HERC2: variants seen among roughly 807,000 people sequenced by gnomAD.
The protein encoded by HERC2 is E3 ubiquitin-protein ligase HERC2.
HERC2 carries 102 observed loss-of-function variants against 537.7 expected under a neutral mutation model. The ratio of observed to expected loss-of-function variants is 0.19; its 90% CI spans 0.16 to 0.22. HERC2 has a LOEUF of 0.22. Ranked by LOEUF, HERC2 falls within the 10% of genes least tolerant of loss-of-function variation. The probability of loss-of-function intolerance (pLI) is 1.00; values close to 1 mark genes in which losing one functional copy is unlikely to be tolerated. For missense variants in HERC2, 4,236 were observed against 6,198.2 expected, an observed-to-expected ratio of 0.68 and a Z score of 10.63; for synonymous variants, 2,224 against 2,466.2, an observed-to-expected ratio of 0.90 and a Z score of 2.91.
At chr15:28,281,002 C>T (rs776901892) in intron 4 of HERC2, among the ~76,000 whole-genome samples, 1 of 152,014 alleles carries the variant, frequency 6.6e-6, no homozygotes, top group African/African-American at 2.4e-5. Flanking sequence ...AAACACTAGC[C>T]ATTATTTTCA....
chr15:28,220,395 C>A, intron 37 of HERC2, 57 bp downstream of exon 37: 1 of 1,496,214 alleles, frequency 6.7e-7, no homozygotes, highest in Non-Finnish European at 9.2e-7. Flanking sequence ...TGGTGGCAGC[C>A]AGCACCTGGA....
At chr15:28,275,715 G>A (rs1394951680) in intron 5 of HERC2, among the ~76,000 whole-genome samples, 3 of 151,756 alleles carry the variant, frequency 2.0e-5, no homozygotes, top group Non-Finnish European at 4.4e-5. Flanking sequence ...CCTGGGGGGT[G>A]CAGCTTGCAG....
At chr15:28,195,926 T>C (rs373422807) in intron 52 of HERC2, among the ~76,000 whole-genome samples, 52 of 152,360 alleles carry the variant, frequency 3.4e-4, no homozygotes, top group East Asian at 3.3e-3. Flanking sequence ...CCACATGCCA[T>C]GCAACTAAAC....
Position 28,186,760 on chromosome 15 carries a change from CA to C in HERC2, c.8650-9del. 1.2e-6 allele frequency: 2 copies of C among 1,606,302 alleles called. No individual in the cohort carries two copies. The highest frequency in any genetic ancestry group is 1.7e-6 in the Non-Finnish European group (2 of 1,173,604). ...TTCAATATACCTGTGATACTAGACA[CA>C]AAAACCATGATCTATAGACTCTGTA... On this transcript the variant is annotated splice_polypyrimidine_tract_variant and intron_variant, in intron 55 of 92. Coordinates refer to ENST00000261609, the MANE Select transcript of HERC2 (RefSeq NM_004667.6).
intron 78 of HERC2, 92 bp from the exon 79 acceptor site, chr15:28,135,784 T>A: frequency 2.3e-6 from 2 of 882,678 alleles, no homozygotes; most frequent in Non-Finnish European, 3.5e-6. Context: ...GCTTTAGACA[T>A]TTTTACCACA....
Position 28,190,973 on chromosome 15 carries a change from A to G in HERC2, c.8641T>C (p.Cys2881Arg). 1.3e-6 allele frequency: 2 copies of G among 1,599,170 alleles called. No individual in the cohort carries two copies. Among genetic ancestry groups the G allele is most frequent in the Non-Finnish European group, 1.7e-6 (2 of 1,166,336 alleles). ...CTAGCATAGCTACTTACCTCTGTGCAGTCATTCAGAAGGGGCACTGTGGTG... is the reference window on the plus strand; with the variant it reads ...CTAGCATAGCTACTTACCTCTGTGCGGTCATTCAGAAGGGGCACTGTGGTG... Reference protein sequence around the residue: ...SDTTVPLLNDCTEYHRYIEIA... With the variant: ...SDTTVPLLNDRTEYHRYIEIA... The change falls in exon 55 of 93, where the codon TGC (cysteine) becomes CGC (arginine). Residue 2881 changes from cysteine to arginine, a missense_variant. Cys to Arg is a radical substitution (Grantham distance 180). Transcript: ENST00000261609.
At chr15:28,274,713 C>T (rs926065479) in intron 6 of HERC2, among the ~76,000 whole-genome samples, 192 bp downstream of exon 6, 1 of 152,188 alleles carries the variant, frequency 6.6e-6, no homozygotes, top group Middle Eastern at 3.4e-3. Flanking sequence ...CATACACTCT[C>T]TTTTTTTTCT....
chr15:28,263,808 G>A (rs1347260902), intron 14 of HERC2, among the ~76,000 whole-genome samples: 5 of 152,024 alleles, frequency 3.3e-5, no homozygotes, highest in African/African-American at 4.8e-5. Context: ...AAGGCGGGCG[G>A]ATCACTTGAG....
chr15:28,179,000 C>A lies in HERC2; in HGVS notation c.9050G>T (p.Gly3017Val). The A allele has an allele frequency of 6.2e-7, 1 of 1,614,222 alleles. No homozygotes were observed. The highest frequency in any genetic ancestry group is 8.5e-7 in the Non-Finnish European group (1 of 1,180,036). Residue 3017 changes from glycine (G) to valine (V), a missense_variant, in exon 59 of 93, where the codon GGA becomes GTA. Transcript: ENST00000261609. ...CCCCAGCCGGCCATTCGTGGCTTCT[C>A]CACAGGCATACACCTTCCCTTCCAC... is the stretch of plus-strand genomic sequence containing the variant. ...VTVEGKVYAC[G>V]EATNGRLGLG...
In HERC2 at chr15:28,321,611, G is replaced by C. The variant is rs2442398; in HGVS notation, c.-31-147C>G. 115 of 387,222 alleles carry C rather than the reference G, an allele frequency of 3.0e-4. 4 individuals carry two copies. The African/African-American group carries it at 3.4e-3, about 12-fold the overall frequency. 24.0% of individuals were successfully genotyped at this position (387,222 alleles called of 1,614,324 possible). ...GGGGAGAGAAGGGGAGAGAGGGAAAGAGGGAAGAGATGGAGGGAGAGGGAG... is the reference window on the plus strand; with the variant it reads ...GGGGAGAGAAGGGGAGAGAGGGAAACAGGGAAGAGATGGAGGGAGAGGGAG... On this transcript the variant is annotated intron_variant, in intron 1 of 92. Transcript: ENST00000261609.
intron 44 of HERC2, among the ~76,000 whole-genome samples, chr15:28,208,845 C>T (rs566861186): frequency 6.6e-5 from 10 of 152,278 alleles, no homozygotes; most frequent in East Asian, 1.9e-4. Context: ...CATGCCTCAC[C>T]GCCTCCTGAC....
At chr15:28,273,794 C>T (rs760072627) in intron 7 of HERC2, among the ~76,000 whole-genome samples, 1 of 152,186 alleles carries the variant, frequency 6.6e-6, no homozygotes, top group Non-Finnish European at 1.5e-5. Flanking sequence ...AAAACCTTAA[C>T]AAAAATGCAT....
In HERC2 at chr15:28,113,092, C is replaced by G; in HGVS notation, c.14211G>C (p.Arg4737=). Residue 4737 remains arginine (R), a synonymous_variant, in exon 92 of 93, where the codon CGG becomes CGC. Transcript: ENST00000261609. This position sits in a 1 kb window ranked among gnomAD's most constrained non-coding sequence, Gnocchi z 7.0. ...CTACCTGGATGACGAAGTCTCGGCC[C>G]CGGAAGTCGGCGATGGTCCTGGGCA... The part of the protein sequence containing the change: ...TRLPRTIADF[R]GRDFVIQVLD... 1 of 1,613,524 alleles carries G rather than the reference C, an allele frequency of 6.2e-7. No homozygotes were observed. Among genetic ancestry groups the G allele is most frequent in the African/African-American group, 1.3e-5 (1 of 75,032 alleles).
In HERC2 at chr15:28,111,503, G is replaced by C. The variant is rs965027159; in HGVS notation, c.*260C>G. On this transcript the variant is annotated 3_prime_UTR_variant, in exon 93 of 93. Transcript: ENST00000261609. ...TTTATATAAACATTTACACACTTTA[G>C]TAAACACAGTCCTACATGTAATGCA... 2.0e-6 allele frequency: 1 copy of C among 495,858 alleles called. No homozygotes were observed. Among genetic ancestry groups the C allele is most frequent in the Non-Finnish European group, 3.5e-6 (1 of 282,618 alleles). 30.7% of individuals were successfully genotyped at this position (495,858 alleles called of 1,614,324 possible). A position where few individuals can be genotyped will look rare whatever the true frequency, so the allele number is the denominator to read the frequency against.
chr15:28,126,546 A>G (rs990640298), intron 83 of HERC2, among the ~76,000 whole-genome samples: 1 of 152,274 alleles, frequency 6.6e-6, no homozygotes, highest in Non-Finnish European at 1.5e-5. Flanking sequence ...GAATACTACT[A>G]GCCATAAAAA....
Position 28,121,376 on chromosome 15 carries a change from A to G in HERC2, c.13242T>C (p.His4414=), listed in dbSNP as rs1659461195. The change falls in exon 86 of 93, where the codon CAT becomes CAC. Residue 4414 remains histidine, a synonymous_variant. Coordinates refer to ENST00000261609, the MANE Select transcript of HERC2 (RefSeq NM_004667.6). The part of the protein sequence containing the change: ...VQATMVRDRQ[H]GPVVELNRIQ... ...TGCGGTTCAGCTCCACGACGGGGCC[A>G]TGCTGACGATCGCGTACCATAGTTG... 3 of 1,614,094 alleles carry G rather than the reference A, an allele frequency of 1.9e-6. No homozygotes were observed. The South Asian group carries it at 3.3e-5, about 18-fold the overall frequency.
At position 28,177,475 on chromosome 15, in the gene HERC2, T is replaced by A. The variant is rs750278222; in HGVS notation, c.9198A>T (p.Gly3066=). ...CACCTTCGCCCCACGAAAACACTTT[T>A]CCATCGACAGTTAAAGCCGTCGCGT... ...GRHATALTVD[G]KVFSWGEGDD... is the part of the protein sequence containing the mutation. The change falls in exon 60 of 93, where the codon GGA becomes GGT. Residue 3066 remains glycine, a synonymous_variant. Coordinates refer to ENST00000261609, the MANE Select transcript of HERC2 (RefSeq NM_004667.6). This position sits in a 1 kb window ranked among gnomAD's most constrained non-coding sequence, Gnocchi z 5.0. The A allele has an allele frequency of 6.2e-7, 1 of 1,614,248 alleles. No individual in the cohort carries two copies. The highest frequency in any genetic ancestry group is 8.5e-7 in the Non-Finnish European group (1 of 1,180,046).
chr15:28,201,571 C>T lies in HERC2; in HGVS notation c.7618-17G>A, dbSNP rs377395181. 2.2e-5 allele frequency: 33 copies of T among 1,526,994 alleles called. No homozygotes were observed. The African/African-American group carries it at 3.8e-4, about 18-fold the overall frequency. 94.6% of individuals were successfully genotyped at this position (1,526,994 alleles called of 1,614,324 possible). A position where few individuals can be genotyped will look rare whatever the true frequency, so the allele number is the denominator to read the frequency against. ...ACCAGTAGACTGCAAGAAATAAATACATTCAAACAAAAAAACAGGAGAACA... is the reference window on the plus strand; with the variant it reads ...ACCAGTAGACTGCAAGAAATAAATATATTCAAACAAAAAAACAGGAGAACA... On this transcript the variant is annotated splice_polypyrimidine_tract_variant and intron_variant, in intron 47 of 92. Transcript: ENST00000261609.
intron 23 of HERC2, among the ~76,000 whole-genome samples, chr15:28,244,040 GTGGCGCATGC>G (rs2140771870): frequency 6.6e-6 from 1 of 152,264 alleles, no homozygotes; most frequent in African/African-American, 2.4e-5. Flanking sequence ...GCCAGGCATG[GTGGCGCATGC>G]TTGCAGTCCC....
Sources: gnomAD v4.1 joint callset for allele counts (sites outside exome capture counted in the v4.1 genomes callset) on GRCh38, gnomAD v4.1.1 for gene constraint, Gnocchi (gnomAD v3.1) non-coding constraint, MANE v1.5 for transcripts, NCBI Gene and HGNC (gene_info 2026-07-23, HGNC 2026-07-21) for gene names.